The following PIK3CB variants were observed in gnomAD, a reference collection of about 807,000 sequenced individuals.
The protein encoded by PIK3CB is phosphatidylinositol 4,5-bisphosphate 3-kinase catalytic subunit beta isoform.
PIK3CB carries 39 observed loss-of-function variants against 136.8 expected under a neutral mutation model. The ratio of observed to expected loss-of-function variants is 0.29; its 90% CI spans 0.22 to 0.37. The LOEUF is 0.37. Among genes scored for constraint, PIK3CB ranks in the 10% least tolerant of loss-of-function variants. The pLI is 1.00. For synonymous variants in PIK3CB, 428 were observed against 436.6 expected (o/e 0.98, Z 0.25); for missense variants, 868 against 1,275.4 (o/e 0.68, Z 4.87).
intron 8 of PIK3CB, among the ~76,000 whole-genome samples, chr3:138,729,642 G>C (rs2044926475): frequency 6.6e-6 from 1 of 152,096 alleles, no homozygotes; most frequent in South Asian, 2.1e-4. Context: ...TCCTGGGTTT[G>C]AGTCAAGCCT....
intron 8 of PIK3CB, among the ~76,000 whole-genome samples, chr3:138,717,239 G>A: frequency 6.8e-6 from 1 of 148,024 alleles, no homozygotes; most frequent in East Asian, 2.0e-4. Context: ...GGGCAACAGA[G>A]TGAGACGCTG....
intron 8 of PIK3CB, among the ~76,000 whole-genome samples, chr3:138,729,637 G>T (rs995426107): frequency 1.3e-5 from 2 of 152,002 alleles, no homozygotes; most frequent in Non-Finnish European, 2.9e-5. Flanking sequence ...GCTCTTCCTG[G>T]GTTTGAGTCA....
chr3:138,719,224 A>C (rs1213243540), intron 8 of PIK3CB, among the ~76,000 whole-genome samples: 4 of 147,690 alleles, frequency 2.7e-5, no homozygotes, highest in African/African-American at 9.9e-5. Context: ...AGAAACTTAC[A>C]TTAGCTCAGT....
At chr3:138,744,344 G>A (rs572441602) in intron 4 of PIK3CB, among the ~76,000 whole-genome samples, 18 of 127,664 alleles carry the variant, frequency 1.4e-4, no homozygotes, top group African/African-American at 3.2e-4. Context: ...GCAGTCAGCC[G>A]AGATTGTGTC....
chr3:138,801,569 A>C (rs1183078922), intron 1 of PIK3CB, among the ~76,000 whole-genome samples: 2 of 151,990 alleles, frequency 1.3e-5, no homozygotes, highest in Non-Finnish European at 2.9e-5. Flanking sequence ...GTCTCTAAAA[A>C]AAAATAAAAA....
At chr3:138,772,327 C>T (rs1470791370) in intron 2 of PIK3CB, among the ~76,000 whole-genome samples, 1 of 152,036 alleles carries the variant, frequency 6.6e-6, no homozygotes, top group Non-Finnish European at 1.5e-5. Context: ...ATTCAACGTG[C>T]CTTTAATGAT....
chr3:138,695,411 G>GC (rs2044114788), intron 13 of PIK3CB, among the ~76,000 whole-genome samples: 1 of 152,154 alleles, frequency 6.6e-6, no homozygotes, highest in Admixed American at 6.5e-5. Context: ...AAGCTTGTTG[G>GC]CTATCTTGTG....
chr3:138,818,029 G>A (rs577607212), intron 1 of PIK3CB, among the ~76,000 whole-genome samples: 44 of 152,318 alleles, frequency 2.9e-4, no homozygotes, highest in African/African-American at 1.0e-3. Flanking sequence ...GTACATGCTT[G>A]TAGTCCCAGC....
At chr3:138,741,705 G>A (rs2045248818) in intron 5 of PIK3CB, among the ~76,000 whole-genome samples, 1 of 152,052 alleles carries the variant, frequency 6.6e-6, no homozygotes, top group South Asian at 2.1e-4. Flanking sequence ...GCAGGCGCCT[G>A]TAATTCCAGC....
At chr3:138,686,101 C>T (rs60850836) in intron 16 of PIK3CB, among the ~76,000 whole-genome samples, 5,348 of 151,078 alleles carry the variant, frequency 0.035, 318 homozygotes, top group African/African-American at 0.12. Context: ...CGTACCACTA[C>T]ACTCTCCAGC....
chr3:138,734,546 T>C (rs1256999296), intron 7 of PIK3CB, 88 bp downstream of exon 7: 4 of 921,094 alleles, frequency 4.3e-6, no homozygotes, highest in East Asian at 2.6e-5. Flanking sequence ...GAAGGAGAAG[T>C]GAGCAAAGGA....
At chr3:138,765,533 T>C (rs1231629939) in intron 2 of PIK3CB, among the ~76,000 whole-genome samples, 1 of 151,878 alleles carries the variant, frequency 6.6e-6, no homozygotes, top group East Asian at 1.9e-4. Context: ...TATCTACATA[T>C]CCTACAACTC....
At chr3:138,708,002 T>C (rs1039763969) in intron 10 of PIK3CB, among the ~76,000 whole-genome samples, 4 of 152,146 alleles carry the variant, frequency 2.6e-5, no homozygotes, top group African/African-American at 4.8e-5. Flanking sequence ...GATGAGAAAA[T>C]AGAGTTAGGT....
At chr3:138,680,680 T>C (rs186356670) in intron 19 of PIK3CB, among the ~76,000 whole-genome samples, 93 of 152,026 alleles carry the variant, frequency 6.1e-4, no homozygotes, top group African/African-American at 2.0e-3. Flanking sequence ...GGATATCCAG[T>C]TGTTCTTTTT....
chr3:138,660,100 A>G (rs754284355), intron 21 of PIK3CB, among the ~76,000 whole-genome samples: 1 of 151,806 alleles, frequency 6.6e-6, no homozygotes, highest in Non-Finnish European at 1.5e-5. Flanking sequence ...GGCATGGTGG[A>G]TTAAAAAAAA....
chr3:138,734,924 C>A, intron 6 of PIK3CB, 120 bp from the exon 7 acceptor site: 1 of 563,224 alleles, frequency 1.8e-6, no homozygotes, highest in Admixed American at 3.4e-5. Flanking sequence ...TAAACCACAG[C>A]AGAATATCAA....
intron 8 of PIK3CB, among the ~76,000 whole-genome samples, chr3:138,715,822 G>A (rs909225567): frequency 1.3e-5 from 2 of 151,638 alleles, no homozygotes; most frequent in East Asian, 3.9e-4. Flanking sequence ...TAGGTTAGTA[G>A]GCCAGACATA....
Position 138,719,235 on chromosome 3 carries a change from A to AT in PIK3CB, c.1051-4517dup, listed in dbSNP as rs34980826. Among the ~76,000 whole-genome samples the AT allele has an allele frequency of 5.2e-3, 360 of 69,626 alleles. 44 individuals are homozygous for AT. Among genetic ancestry groups the AT allele is most frequent in the South Asian group, 0.011 (17 of 1,584 alleles). The allele number at this position is 69,626 out of a possible 152,430, so 45.7% of individuals were successfully genotyped here. A position where few individuals can be genotyped will look rare whatever the true frequency, so the allele number is the denominator to read the frequency against. On this transcript the variant is annotated intron_variant, in intron 8 of 23. Transcript: ENST00000674063. The stretch of plus-strand genomic sequence containing the variant: ...TATCAGAAACTTACATTAGCTCAGT[A>AT]TTTTTTTTTTTTTTTTTTTTTTTTT...
At chr3:138,715,427 C>T (rs1268709218) in intron 8 of PIK3CB, among the ~76,000 whole-genome samples, 1 of 152,102 alleles carries the variant, frequency 6.6e-6, no homozygotes, top group Non-Finnish European at 1.5e-5. Flanking sequence ...GAGATTGACC[C>T]AGTGATACAC....
Sources: allele counts gnomAD v4.1 joint callset (sites outside exome capture counted in the v4.1 genomes callset), GRCh38; gene constraint gnomAD v4.1.1; transcripts MANE v1.5; gene names NCBI Gene and HGNC (gene_info 2026-07-23, HGNC 2026-07-21).